The following RGS8 variants were observed in gnomAD, a reference collection of about 807,000 sequenced individuals.
RGS8 encodes the protein regulator of G-protein signaling 8.
Under a neutral mutation model 21.7 loss-of-function variants are expected in RGS8, and 8 were observed. That is an observed-to-expected ratio of 0.37 (90% CI 0.22 to 0.66). RGS8 has a LOEUF of 0.66. Among genes scored for constraint, RGS8 ranks in the 30% least tolerant of loss-of-function variants. The pLI, the probability that RGS8 is intolerant of heterozygous loss-of-function variation, is 0.59. For missense variants in RGS8, 157 were observed against 217.9 expected (o/e 0.72, Z 1.76); for synonymous variants, 80 against 83.6 (o/e 0.96, Z 0.24).
chr1:182,750,669 G>C, the RGS8 span, among the ~76,000 whole-genome samples: 3 of 152,160 alleles, frequency 2.0e-5, no homozygotes, highest in African/African-American at 7.2e-5. Flanking sequence ...AGACTTTTAA[G>C]TTTTATCATG....
At chr1:182,687,238 ACTATGTTGCCCAGG>A (rs1664731012), upstream of RGS8, among the ~76,000 whole-genome samples, 1 of 151,974 alleles carries the variant, frequency 6.6e-6, no homozygotes, top group Admixed American at 6.6e-5. Flanking sequence ...ATGGGGTCTC[ACTATGTTGCCCAGG>A]CTGGACTTAA....
chr1:182,741,883 AC>A, the RGS8 span, among the ~76,000 whole-genome samples: 42 of 125,296 alleles, frequency 3.4e-4, no homozygotes, highest in Middle Eastern at 5.1e-3. Flanking sequence ...CGGGGGGCTG[AC>A]CCCCCCACCT....
At chr1:182,668,175 T>C (rs936127954) in intron 3 of RGS8, among the ~76,000 whole-genome samples, 2 of 152,236 alleles carry the variant, frequency 1.3e-5, no homozygotes, top group South Asian at 4.1e-4. Context: ...AAATATTTAT[T>C]CTCTAGCCCT....
chr1:182,662,430 A>G (rs1663636314), intron 5 of RGS8, among the ~76,000 whole-genome samples: 1 of 152,178 alleles, frequency 6.6e-6, no homozygotes, highest in African/African-American at 2.4e-5. Context: ...GCTTCATTGT[A>G]TAGATGAAGA....
chr1:182,702,137 T>A, the RGS8 span, among the ~76,000 whole-genome samples: 1 of 152,314 alleles, frequency 6.6e-6, no homozygotes, highest in East Asian at 1.9e-4. Flanking sequence ...CTATTCACAG[T>A]AGCAAAGACA....
chr1:182,750,065 C>G, the RGS8 span, among the ~76,000 whole-genome samples: 1 of 152,140 alleles, frequency 6.6e-6, no homozygotes, highest in Non-Finnish European at 1.5e-5. Flanking sequence ...TAGGACCAAG[C>G]ACATAGGTGC....
At chr1:182,666,341 T>C (rs1396396311) in intron 4 of RGS8, among the ~76,000 whole-genome samples, 1 of 152,206 alleles carries the variant, frequency 6.6e-6, no homozygotes, top group Non-Finnish European at 1.5e-5. Context: ...AAACTGGTCT[T>C]AGAGCCAGAA....
At chr1:182,661,883 T>C (rs750505966) in intron 5 of RGS8, among the ~76,000 whole-genome samples, 1 of 151,108 alleles carries the variant, frequency 6.6e-6, no homozygotes, top group Non-Finnish European at 1.5e-5. Flanking sequence ...CTCACAGACA[T>C]GGAGCCTAAT....
intron 1 of RGS8, among the ~76,000 whole-genome samples, chr1:182,679,272 C>T (rs1380933256): frequency 3.3e-5 from 5 of 152,160 alleles, no homozygotes; most frequent in Admixed American, 2.0e-4. Context: ...TGCCATTTGG[C>T]TTCCATTCCC....
chr1:182,686,219 G>T (rs559110610), upstream of RGS8, among the ~76,000 whole-genome samples: 2 of 152,326 alleles, frequency 1.3e-5, no homozygotes, highest in Admixed American at 1.3e-4. Flanking sequence ...GGAGAAAAAA[G>T]TAGAGTGTGA....
chr1:182,647,904 T>C (rs1361076813), intron 6 of RGS8, among the ~76,000 whole-genome samples: 1 of 152,246 alleles, frequency 6.6e-6, no homozygotes, highest in East Asian at 1.9e-4. Context: ...CAGTTCCTGC[T>C]AGCACATGTT....
intron 1 of RGS8, among the ~76,000 whole-genome samples, chr1:182,682,471 A>G (rs979250206): frequency 6.6e-6 from 1 of 151,980 alleles, no homozygotes; most frequent in African/African-American, 2.4e-5. Context: ...ACCCCCCTTG[A>G]GCCTCAATTT....
At chr1:182,686,089 C>T (rs548332703), upstream of RGS8, among the ~76,000 whole-genome samples, 1 of 152,162 alleles carries the variant, frequency 6.6e-6, no homozygotes, top group Non-Finnish European at 1.5e-5. Context: ...ATGTGGATGT[C>T]GACAAGCAGA....
At chr1:182,674,374 G>A (rs1664288749), upstream of RGS8, among the ~76,000 whole-genome samples, 1 of 152,298 alleles carries the variant, frequency 6.6e-6, no homozygotes, top group South Asian at 2.1e-4. Flanking sequence ...CAAGAAAAAT[G>A]TAAAAGAAAG....
At chr1:182,730,364 G>C in the RGS8 span, among the ~76,000 whole-genome samples, 1 of 152,094 alleles carries the variant, frequency 6.6e-6, no homozygotes, top group Non-Finnish European at 1.5e-5. Context: ...ACACCCTATC[G>C]CACTAGGAGG....
chr1:182,741,926 A>G, the RGS8 span, among the ~76,000 whole-genome samples: 1 of 132,476 alleles, frequency 7.5e-6, no homozygotes, highest in East Asian at 2.4e-4. Flanking sequence ...CCGGGCGGAG[A>G]CGCTCCTCAC....
the RGS8 span, among the ~76,000 whole-genome samples, chr1:182,741,395 G>A: frequency 7.2e-6 from 1 of 137,986 alleles, no homozygotes; most frequent in South Asian, 2.3e-4. Context: ...CGGGGCGGCT[G>A]GCCGGGCGGG....
chr1:182,718,334 G>A, the RGS8 span, among the ~76,000 whole-genome samples: 1 of 152,248 alleles, frequency 6.6e-6, no homozygotes, highest in Non-Finnish European at 1.5e-5. Flanking sequence ...TGATTCAGCA[G>A]TTGGAGCAGT....
chr1:182,713,526 G>C, the RGS8 span, among the ~76,000 whole-genome samples: 2 of 152,030 alleles, frequency 1.3e-5, no homozygotes, highest in Admixed American at 1.3e-4. Flanking sequence ...GCACTGGCAC[G>C]GGGGATACCT....
Sources: gnomAD v4.1 joint callset for allele counts (sites outside exome capture counted in the v4.1 genomes callset) on GRCh38, gnomAD v4.1.1 for gene constraint, MANE v1.5 for transcripts, NCBI Gene and HGNC (gene_info 2026-07-23, HGNC 2026-07-21) for gene names.